SCIN: variants seen among roughly 807,000 people sequenced by gnomAD.
The protein encoded by SCIN is scinderin.
A neutral mutation model predicts 91.8 loss-of-function variants in SCIN; 91 were observed. That is an observed-to-expected ratio of 0.99 (90% CI 0.84 to 1.18). The LOEUF is 1.18. Ranked by LOEUF, SCIN falls within the 50% of genes most tolerant of loss-of-function variation. The pLI, the probability that SCIN is intolerant of heterozygous loss-of-function variation, is 0.00. For synonymous variants in SCIN, 367 were observed against 312.6 expected, an observed-to-expected ratio of 1.17 and a Z score of -1.84; for missense variants, 1,087 against 863.9, an observed-to-expected ratio of 1.26 and a Z score of -3.24.
intron 4 of SCIN, 121 bp downstream of exon 4, chr7:12,604,784 T>C (rs1256950481): frequency 5.0e-5 from 38 of 767,282 alleles, no homozygotes; most frequent in Non-Finnish European, 7.5e-5. Context: ...TCAACACATG[T>C]TTCAATAGTG....
intron 1 of SCIN, among the ~76,000 whole-genome samples, chr7:12,574,402 G>A (rs1203154909): frequency 6.6e-6 from 1 of 152,124 alleles, no homozygotes; most frequent in African/African-American, 2.4e-5. Flanking sequence ...GTGGGCAGGA[G>A]AAGAGTGTAT....
At chr7:12,644,032 G>A in intron 11 of SCIN, 106 bp from the exon 12 acceptor site, 2 of 1,011,570 alleles carry the variant, frequency 2.0e-6, no homozygotes, top group Non-Finnish European at 2.9e-6. Context: ...CCTGGGATAG[G>A]GCAGAAGGCG....
rs1327537475 is a variant in SCIN, at chr7:12,629,217, C to T, written c.1314C>T (p.Tyr438=). ...LYTYPRGQII[Y]TWQGANATRD... ...CCTATCCCAGAGGACAGATTATCTACACGTGGTGAGTTTATACGGGTAAAG... is the reference window on the plus strand; with the variant it reads ...CCTATCCCAGAGGACAGATTATCTATACGTGGTGAGTTTATACGGGTAAAG... The change falls in exon 9 of 16, where the codon TAC becomes TAT. Residue 438 remains tyrosine (Y), a synonymous_variant. Coordinates refer to ENST00000297029, the MANE Select transcript of SCIN (RefSeq NM_001112706.3). 6.2e-7 allele frequency: 1 copy of T among 1,609,196 alleles called. No individual in the cohort carries two copies. The highest frequency in any genetic ancestry group is 8.5e-7 in the Non-Finnish European group (1 of 1,178,436).
At chr7:12,627,681 G>A (rs1783556344) in intron 8 of SCIN, among the ~76,000 whole-genome samples, 1 of 152,176 alleles carries the variant, frequency 6.6e-6, no homozygotes, top group South Asian at 2.1e-4. Flanking sequence ...CAAGGGAGAA[G>A]GTCACAAATG....
chr7:12,619,018 C>T (rs183639410), intron 4 of SCIN, among the ~76,000 whole-genome samples: 142 of 152,204 alleles, frequency 9.3e-4, no homozygotes, highest in Non-Finnish European at 1.7e-3. Context: ...AAACTCCTAA[C>T]TTCCTTCAGG....
chr7:12,612,872 C>T (rs1783224971), intron 4 of SCIN, among the ~76,000 whole-genome samples: 1 of 152,140 alleles, frequency 6.6e-6, no homozygotes, highest in Admixed American at 6.6e-5. Flanking sequence ...CTTTGTCACA[C>T]CAAATTTCAT....
At chr7:12,627,166 A>T (rs1043729876) in intron 8 of SCIN, among the ~76,000 whole-genome samples, 1 of 152,086 alleles carries the variant, frequency 6.6e-6, no homozygotes, top group African/African-American at 2.4e-5. Flanking sequence ...ATATATATTT[A>T]TAAATGTATA....
chr7:12,581,200 C>A lies in SCIN; in HGVS notation c.495C>A (p.Cys165Ter), dbSNP rs887281650. 4 of 1,551,332 alleles carry A rather than the reference C, an allele frequency of 2.6e-6. No individual in the cohort carries two copies. The African/African-American group carries it at 5.5e-5, about 21-fold the overall frequency. ...GGGACAGTTTCAACAAGGGTGACTGCTTCATCATTGACCTTGGCACCGTAA... is the reference window on the plus strand; with the variant it reads ...GGGACAGTTTCAACAAGGGTGACTGATTCATCATTGACCTTGGCACCGTAA... ...LSWDSFNKGD[C>*]FIIDLGTEIY... Residue 165 changes from cysteine to a stop codon, truncating the protein, a stop_gained, in exon 3 of 16, where the codon TGC (cysteine) becomes TGA (stop). Coordinates refer to ENST00000297029, the MANE Select transcript of SCIN (RefSeq NM_001112706.3). LOFTEE classifies it high-confidence loss of function.
intron 3 of SCIN, among the ~76,000 whole-genome samples, chr7:12,591,594 C>T (rs928475538): frequency 3.9e-5 from 6 of 151,958 alleles, no homozygotes; most frequent in African/African-American, 1.5e-4. Context: ...GTGACAAGAG[C>T]AGTTTGGAGT....
intron 1 of SCIN, among the ~76,000 whole-genome samples, chr7:12,573,586 G>A (rs1782310966): frequency 6.6e-6 from 1 of 152,122 alleles, no homozygotes. Context: ...AAATGTTATT[G>A]CATTAGCCCT....
intron 10 of SCIN, among the ~76,000 whole-genome samples, chr7:12,638,105 T>G (rs1268078862): frequency 6.6e-6 from 1 of 152,188 alleles, no homozygotes; most frequent in East Asian, 1.9e-4. Context: ...TTAGTTACCA[T>G]GAAAAAGTTT....
intron 14 of SCIN, among the ~76,000 whole-genome samples, chr7:12,650,155 T>G (rs1206261454): frequency 6.6e-6 from 1 of 152,170 alleles, no homozygotes; most frequent in Non-Finnish European, 1.5e-5. Context: ...CTTATCTGAA[T>G]TAGGCCTAGT....
chr7:12,635,894 G>A (rs1783741148), intron 9 of SCIN, 151 bp from the exon 10 acceptor site: 2 of 628,200 alleles, frequency 3.2e-6, no homozygotes, highest in African/African-American at 1.8e-5. Flanking sequence ...TAGATACCTT[G>A]ACAAAAACAA....
In SCIN at chr7:12,654,901, G is replaced by A. The variant is rs1266594666; in HGVS notation, c.*2186G>A. Reference sequence around the variant, plus strand: ...AAAGGATGGAAAAAGAAGAACATAAGCATAATTTCTGAATGCATCACGGCA... The same window carrying A: ...AAAGGATGGAAAAAGAAGAACATAAACATAATTTCTGAATGCATCACGGCA... On this transcript the variant is annotated 3_prime_UTR_variant, in exon 16 of 16. Transcript: ENST00000297029. The A allele has an allele frequency of 5.3e-5, 8 of 152,160 alleles. No individual in the cohort carries two copies. Among genetic ancestry groups the A allele is most frequent in the Non-Finnish European group, 7.4e-5 (5 of 68,000 alleles). 9.4% of individuals were successfully genotyped at this position (152,160 alleles called of 1,614,324 possible).
At chr7:12,601,933 T>C (rs1782966640) in intron 3 of SCIN, among the ~76,000 whole-genome samples, 1 of 152,236 alleles carries the variant, frequency 6.6e-6, no homozygotes, top group Admixed American at 6.5e-5. Flanking sequence ...CAATGACATT[T>C]ATGTAGCCAT....
chr7:12,645,186 G>T (rs1400209413), intron 13 of SCIN, among the ~76,000 whole-genome samples: 2 of 150,974 alleles, frequency 1.3e-5, no homozygotes, highest in Non-Finnish European at 2.9e-5. Flanking sequence ...AGGCATGGTG[G>T]TGGGTGCCTG....
At chr7:12,594,461 T>A (rs1338405832) in intron 3 of SCIN, among the ~76,000 whole-genome samples, 1 of 152,164 alleles carries the variant, frequency 6.6e-6, no homozygotes, top group Non-Finnish European at 1.5e-5. Context: ...CTCATTGCGA[T>A]GGCAAAAGTT....
At position 12,655,257 on chromosome 7, in the gene SCIN, T is replaced by C. The variant is rs1216762142; in HGVS notation, c.*2542T>C. The C allele has an allele frequency of 1.3e-5, 2 of 152,226 alleles. No homozygotes were observed. Among genetic ancestry groups the C allele is most frequent in the African/African-American group, 4.8e-5 (2 of 41,460 alleles). The allele number at this position is 152,226 out of a possible 1,614,324, so 9.4% of individuals were successfully genotyped here. On this transcript the variant is annotated 3_prime_UTR_variant, in exon 16 of 16. Coordinates refer to ENST00000297029, the MANE Select transcript of SCIN (RefSeq NM_001112706.3). ...TATTATTTTATTGTTTTTCCCCAAA[T>C]AGTTTTGATCCGCAGATGTAGAACC... is the stretch of plus-strand genomic sequence containing the variant.
chr7:12,608,716 A>G (rs1440328158), intron 4 of SCIN, among the ~76,000 whole-genome samples: 1 of 152,092 alleles, frequency 6.6e-6, no homozygotes, highest in Non-Finnish European at 1.5e-5. Flanking sequence ...TGACCTTGTG[A>G]TCCGCCGGCC....
Sources: allele counts gnomAD v4.1 joint callset (sites outside exome capture counted in the v4.1 genomes callset), GRCh38; gene constraint gnomAD v4.1.1; transcripts MANE v1.5; gene names NCBI Gene and HGNC (gene_info 2026-07-23, HGNC 2026-07-21).